The following TNNT2 variants were observed in gnomAD, a reference collection of about 807,000 sequenced individuals.
TNNT2 encodes troponin T, cardiac muscle.
Under a neutral mutation model 62.4 loss-of-function variants are expected in TNNT2, and 34 were observed. The ratio of observed to expected loss-of-function variants is 0.54; its 90% confidence interval spans 0.41 to 0.72. The LOEUF (loss-of-function observed/expected upper bound fraction) is 0.72, where lower values mean the gene tolerates loss of function less well. Among genes scored for constraint, TNNT2 ranks in the 30% least tolerant of loss-of-function variants. The pLI, the probability that TNNT2 is intolerant of heterozygous loss-of-function variation, is 0.00. For missense variants in TNNT2, 275 were observed against 381.9 expected (o/e 0.72, Z 2.33); for synonymous variants, 123 against 127.2 (o/e 0.97, Z 0.22).
chr1:201,373,056 G>T, intron 2 of TNNT2, 158 bp downstream of exon 2: 1 of 785,304 alleles, frequency 1.3e-6, no homozygotes, highest in East Asian at 2.4e-5. Flanking sequence ...AGGGGTACAG[G>T]AGTGGAAAGG....
chr1:201,370,132 G>C (rs1660402961), intron 4 of TNNT2, among the ~76,000 whole-genome samples: 1 of 152,206 alleles, frequency 6.6e-6, no homozygotes, highest in African/African-American at 2.4e-5. Flanking sequence ...CGCCCAGCAG[G>C]TGCCTGGCAC....
At chr1:201,369,949 G>C (rs1660376347) in intron 4 of TNNT2, 104 bp from the exon 5 acceptor site, 2 of 1,332,992 alleles carry the variant, frequency 1.5e-6, no homozygotes, top group Non-Finnish European at 2.1e-6. Context: ...GTGGTTTTAA[G>C]AGTGTGGGCT....
chr1:201,362,730 C>T (rs1374747542), intron 12 of TNNT2, among the ~76,000 whole-genome samples: 1 of 152,146 alleles, frequency 6.6e-6, no homozygotes, highest in Non-Finnish European at 1.5e-5. Flanking sequence ...TTCACATATC[C>T]CTCCTCCCTC....
At chr1:201,375,987 C>A (rs1323503172) in intron 1 of TNNT2, among the ~76,000 whole-genome samples, 10 of 152,196 alleles carry the variant, frequency 6.6e-5, no homozygotes, top group Admixed American at 5.2e-4. Context: ...CACCACCATG[C>A]CAGTGGCTCA....
intron 1 of TNNT2, chr1:201,373,653 A>G: frequency 3.3e-6 from 1 of 302,704 alleles, no homozygotes; most frequent in African/African-American, 2.1e-5. Flanking sequence ...GCCTCACTGC[A>G]GCCTCAACCT....
Position 201,368,084 on chromosome 1 carries a change from GT to G in TNNT2, c.163+77del, listed in dbSNP as rs1320239419. 3 of 1,457,066 alleles carry G rather than the reference GT, an allele frequency of 2.1e-6. No homozygotes were observed. The African/African-American group carries it at 4.2e-5, about 20-fold the overall frequency. The allele number at this position is 1,457,066 out of a possible 1,614,324, so 90.3% of individuals were successfully genotyped here. ...CACATGGGAAAGCCTGTTCTGGGGG[GT>G]TTCTTACTGCCTCAGGAATGGCTCC... is the stretch of plus-strand genomic sequence containing the variant. On this transcript the variant is annotated intron_variant, in intron 6 of 16. Coordinates refer to ENST00000656932, the MANE Select transcript of TNNT2 (RefSeq NM_001276345.2).
At chr1:201,363,180 C>T in intron 12 of TNNT2, 116 bp downstream of exon 12, 3 of 1,597,906 alleles carry the variant, frequency 1.9e-6, no homozygotes, top group Middle Eastern at 3.9e-4. Context: ...CTTCCACCCA[C>T]AGCAGCTGGG....
intron 4 of TNNT2, 31 bp from the exon 5 acceptor site, chr1:201,369,876 G>A (rs1479435394): frequency 1.2e-6 from 2 of 1,614,058 alleles, no homozygotes; most frequent in South Asian, 2.2e-5. Context: ...GCAGCGGAGG[G>A]GAAAAGCGAG....
At chr1:201,376,129 C>T (rs1370311422) in intron 1 of TNNT2, among the ~76,000 whole-genome samples, 1 of 152,216 alleles carries the variant, frequency 6.6e-6, no homozygotes, top group Non-Finnish European at 1.5e-5. Flanking sequence ...CCAAGTCCCA[C>T]CCACTTCCAC....
At chr1:201,376,770 T>C (rs1661456568) in intron 1 of TNNT2, among the ~76,000 whole-genome samples, 1 of 152,186 alleles carries the variant, frequency 6.6e-6, no homozygotes. Flanking sequence ...AATCTTTCTC[T>C]ACCACTCCTG....
rs1316684813 is a variant in TNNT2 at position 201,367,334 on chromosome 1, G to A, written c.199+437C>T. The A allele has an allele frequency of 7.8e-6, 3 of 382,614 alleles. No homozygotes were observed. In the East Asian group the frequency reaches 1.9e-4, roughly 24 times the overall value. 23.7% of individuals were successfully genotyped at this position (382,614 alleles called of 1,614,324 possible). ...CCAGCTGGTTGTCCCCTCCCCTTTG[G>A]AGAAGTGACTGGGACCACTTAGAAC... On this transcript the variant is annotated intron_variant, in intron 7 of 16. Coordinates refer to ENST00000656932, the MANE Select transcript of TNNT2 (RefSeq NM_001276345.2).
At chr1:201,367,928 G>A in intron 6 of TNNT2, 122 bp from the exon 7 acceptor site, 1 of 1,236,626 alleles carries the variant, frequency 8.1e-7, no homozygotes, top group East Asian at 2.3e-5. Flanking sequence ...TTGGTTTTTG[G>A]GGTTACAGAG....
chr1:201,368,487 G>T (rs1660091396), intron 5 of TNNT2: 1 of 575,730 alleles, frequency 1.7e-6, no homozygotes, highest in Non-Finnish European at 3.3e-6. Flanking sequence ...CAACTTTCCA[G>T]CCCAGAAGTT....
intron 4 of TNNT2, among the ~76,000 whole-genome samples, chr1:201,370,144 A>C (rs1183917278): frequency 1.3e-5 from 2 of 152,244 alleles, no homozygotes; most frequent in African/African-American, 2.4e-5. Context: ...GCCTGGCACA[A>C]GAGGAGCATG....
At chr1:201,366,205 G>A in intron 8 of TNNT2, 1 of 1,030,628 alleles carries the variant, frequency 9.7e-7, no homozygotes, top group Middle Eastern at 4.8e-4. Flanking sequence ...CCAGGAAGGG[G>A]GAAGGCACTG....
chr1:201,366,681 GCTTGTGCAGTACACAA>G, intron 8 of TNNT2, 141 bp downstream of exon 8: 1 of 1,555,914 alleles, frequency 6.4e-7, no homozygotes, highest in Non-Finnish European at 8.7e-7. Flanking sequence ...AGGAAGAGAC[GCTTGTGCAGTACACAA>G]CTTGTACAAC....
intron 5 of TNNT2, 33 bp from the exon 6 acceptor site, chr1:201,368,260 A>G: frequency 6.2e-7 from 1 of 1,610,560 alleles, no homozygotes; most frequent in Non-Finnish European, 8.5e-7. Flanking sequence ...GTGAAGAAGC[A>G]GGCCCCACTC....
intron 14 of TNNT2, 22 bp from the exon 15 acceptor site, chr1:201,361,391 T>A (rs1658604652): frequency 1.2e-6 from 2 of 1,609,422 alleles, no homozygotes; most frequent in Admixed American, 1.7e-5. Context: ...AGGGTGAGAA[T>A]GGGGAGGTCC....
At chr1:201,377,509 T>C in intron 1 of TNNT2, 114 bp downstream of exon 1, 1 of 456,120 alleles carries the variant, frequency 2.2e-6, no homozygotes, top group Non-Finnish European at 4.4e-6. Flanking sequence ...GGAGGGGCCA[T>C]GGACTTCTGC....
Sources: allele counts gnomAD v4.1 joint callset (sites outside exome capture counted in the v4.1 genomes callset), GRCh38; gene constraint gnomAD v4.1.1; transcripts MANE v1.5; gene names NCBI Gene and HGNC (gene_info 2026-07-23, HGNC 2026-07-21).